Variants in KCND2 observed in about 807,000 individuals in gnomAD.
KCND2 encodes the protein potassium voltage-gated channel subfamily D member 2.
Under a neutral mutation model 54.4 loss-of-function variants are expected in KCND2, and 16 were observed. The ratio of observed to expected loss-of-function variants is 0.29; its 90% CI spans 0.20 to 0.45. KCND2 has a LOEUF of 0.45. Among genes scored for constraint, KCND2 ranks in the 20% least tolerant of loss-of-function variants. KCND2 has a pLI of 1.00. For missense variants in KCND2, 486 were observed against 824.2 expected, an observed-to-expected ratio of 0.59 and a Z score of 5.02; for synonymous variants, 317 against 310.7, an observed-to-expected ratio of 1.02 and a Z score of -0.21.
At chr7:120,557,947 T>C (rs1792184711) in intron 1 of KCND2, among the ~76,000 whole-genome samples, 1 of 152,128 alleles carries the variant, frequency 6.6e-6, no homozygotes, top group Admixed American at 6.5e-5. Context: ...TCCAAACTCC[T>C]GAAGAAATAT....
At chr7:120,295,426 A>T (rs1383247123) in intron 1 of KCND2, among the ~76,000 whole-genome samples, 1 of 151,268 alleles carries the variant, frequency 6.6e-6, no homozygotes, top group Non-Finnish European at 1.5e-5. Context: ...ACCCACACAC[A>T]TTCTACATTA....
chr7:120,601,042 A>T (rs1792807366), intron 1 of KCND2, among the ~76,000 whole-genome samples: 1 of 152,136 alleles, frequency 6.6e-6, no homozygotes, highest in Non-Finnish European at 1.5e-5. Context: ...TTTTAATAAC[A>T]GTTAATAATC....
At chr7:120,606,143 A>T (rs1401329944) in intron 1 of KCND2, among the ~76,000 whole-genome samples, 4 of 152,192 alleles carry the variant, frequency 2.6e-5, no homozygotes, top group South Asian at 2.1e-4. Flanking sequence ...TGGAACTATG[A>T]GTCCATTCAA....
chr7:120,579,687 CCACT>C (rs1384501011), intron 1 of KCND2, among the ~76,000 whole-genome samples: 1 of 150,660 alleles, frequency 6.6e-6, no homozygotes, highest in Non-Finnish European at 1.5e-5. Flanking sequence ...TTAAAATCTC[CCACT>C]GTTTCTTTTT....
intron 1 of KCND2, among the ~76,000 whole-genome samples, chr7:120,699,990 A>G (rs1302458839): frequency 1.3e-5 from 2 of 152,212 alleles, no homozygotes; most frequent in African/African-American, 4.8e-5. Flanking sequence ...CAAGTAGTTA[A>G]GAATAGGGTG....
At chr7:120,682,359 T>C (rs1792150163) in intron 1 of KCND2, among the ~76,000 whole-genome samples, 1 of 152,082 alleles carries the variant, frequency 6.6e-6, no homozygotes, top group African/African-American at 2.4e-5. Context: ...TTCAGGTACA[T>C]TTTCAGTAAT....
intron 1 of KCND2, among the ~76,000 whole-genome samples, chr7:120,506,829 A>G (rs569784345): frequency 7.0e-4 from 106 of 151,846 alleles, no homozygotes; most frequent in Non-Finnish European, 1.3e-3. Context: ...TTTTTTCACA[A>G]TAGAATTTCT....
intron 1 of KCND2, among the ~76,000 whole-genome samples, chr7:120,694,575 T>C (rs1280506406): frequency 6.6e-6 from 1 of 152,164 alleles, no homozygotes; most frequent in East Asian, 1.9e-4. Context: ...TTTTTCATAA[T>C]AATGTTGTAC....
At chr7:120,379,056 A>T (rs375019497) in intron 1 of KCND2, among the ~76,000 whole-genome samples, 1 of 152,038 alleles carries the variant, frequency 6.6e-6, no homozygotes, top group Non-Finnish European at 1.5e-5. Context: ...AAATTTTTAT[A>T]TATGAAATGC....
At chr7:120,691,569 T>C (rs1284648287) in intron 1 of KCND2, among the ~76,000 whole-genome samples, 2 of 151,946 alleles carry the variant, frequency 1.3e-5, no homozygotes, top group African/African-American at 4.8e-5. Flanking sequence ...AGGAACAGAA[T>C]GAAGGGGAGG....
intron 1 of KCND2, among the ~76,000 whole-genome samples, chr7:120,455,292 C>A (rs1802179246): frequency 6.6e-6 from 1 of 152,068 alleles, no homozygotes; most frequent in East Asian, 1.9e-4. Context: ...AACTATACTA[C>A]AAGGCTACAG....
At chr7:120,424,564 A>G (rs1441287332) in intron 1 of KCND2, among the ~76,000 whole-genome samples, 3 of 152,216 alleles carry the variant, frequency 2.0e-5, no homozygotes, top group Non-Finnish European at 4.4e-5. Context: ...CCAAGAACAG[A>G]TTTTGTAGGA....
chr7:120,485,103 G>C (rs1802675081), intron 1 of KCND2, among the ~76,000 whole-genome samples: 2 of 151,988 alleles, frequency 1.3e-5, no homozygotes, highest in African/African-American at 4.8e-5. Context: ...GCCCAGGCTG[G>C]TCTCCAACTC....
chr7:120,503,385 TGAGAGAGA>T lies in KCND2; in HGVS notation c.1115+227654_1115+227661del, dbSNP rs58222636. Among the ~76,000 whole-genome samples, 557 of 146,670 alleles carry T rather than the reference TGAGAGAGA, an allele frequency of 3.8e-3. 1 individual carries two copies. Among genetic ancestry groups the T allele is most frequent in the Non-Finnish European group, 5.8e-3 (386 of 66,000 alleles). On this transcript the variant is annotated intron_variant, in intron 1 of 5. Coordinates refer to ENST00000331113, the MANE Select transcript of KCND2 (RefSeq NM_012281.3). Reference sequence around the variant, plus strand: ...TGAGATTACAAATTAGTCTCTAGAGTGAGAGAGAGAGAGAGAGAGAGAGTTGAAAGCCA... The same window carrying T: ...TGAGATTACAAATTAGTCTCTAGAGTGAGAGAGAGAGAGAGTTGAAAGCCA...
chr7:120,588,360 A>AT (rs1792626598), intron 1 of KCND2, among the ~76,000 whole-genome samples: 2 of 150,156 alleles, frequency 1.3e-5, no homozygotes, highest in Admixed American at 6.6e-5. Flanking sequence ...TTGATCATTG[A>AT]TTTTTATTGC....
intron 1 of KCND2, among the ~76,000 whole-genome samples, chr7:120,528,692 T>C (rs1299172020): frequency 1.3e-5 from 2 of 152,180 alleles, no homozygotes; most frequent in Non-Finnish European, 2.9e-5. Context: ...ATTACATCCT[T>C]CTGTGTAACC....
chr7:120,637,477 T>G (rs975306590), intron 1 of KCND2, among the ~76,000 whole-genome samples: 1 of 152,130 alleles, frequency 6.6e-6, no homozygotes, highest in Non-Finnish European at 1.5e-5. Flanking sequence ...TTTAAGCCAT[T>G]GCAAGGCAAT....
chr7:120,714,882 C>A (rs920802021), intron 1 of KCND2, among the ~76,000 whole-genome samples: 1 of 152,010 alleles, frequency 6.6e-6, no homozygotes, highest in Admixed American at 6.6e-5. Flanking sequence ...AATACCCACA[C>A]ACACTTTTCA....
intron 1 of KCND2, among the ~76,000 whole-genome samples, chr7:120,296,583 A>C (rs1446433915): frequency 6.6e-6 from 1 of 152,144 alleles, no homozygotes; most frequent in Non-Finnish European, 1.5e-5. Context: ...TTTAGTTCAT[A>C]GTAAAATGGT....
Sources: gnomAD v4.1 joint callset for allele counts (sites outside exome capture counted in the v4.1 genomes callset) on GRCh38, gnomAD v4.1.1 for gene constraint, MANE v1.5 for transcripts, NCBI Gene and HGNC (gene_info 2026-07-23, HGNC 2026-07-21) for gene names.